The following C1orf105 variants were observed in gnomAD, a reference collection of about 807,000 sequenced individuals.
C1orf105 encodes the protein uncharacterized protein C1orf105.
A neutral mutation model predicts 20.8 loss-of-function variants in C1orf105; 17 were observed. The ratio of observed to expected loss-of-function variants is 0.82; its 90% CI spans 0.56 to 1.23. C1orf105 has a LOEUF of 1.23. C1orf105 is among the 50% of genes most tolerant of loss of function. C1orf105 has a pLI of 0.00. For synonymous variants in C1orf105, 72 were observed against 72.1 expected (o/e 1.00, Z 0.01); for missense variants, 219 against 213.5 (o/e 1.03, Z -0.16).
chr1:172,460,703 CAAAT>C (rs1649628517), intron 4 of C1orf105, among the ~76,000 whole-genome samples: 1 of 151,722 alleles, frequency 6.6e-6, no homozygotes, highest in Admixed American at 6.6e-5. Context: ...AAGGAGTCAA[CAAAT>C]AAATAAATAA....
At chr1:172,451,867 C>CTTTTTTTTTTTTTT (rs11462736) in intron 3 of C1orf105, among the ~76,000 whole-genome samples, 2 of 85,190 alleles carry the variant, frequency 2.3e-5, no homozygotes, top group East Asian at 3.8e-4. Context: ...TATATGGATT[C>CTTTTTTTTTTTTTT]TTTTTTTTTT....
At chr1:172,442,109 T>C in intron 1 of C1orf105, 3 of 1,614,146 alleles carry the variant, frequency 1.9e-6, no homozygotes, top group South Asian at 2.2e-5. Context: ...CTGGATACAA[T>C]GGCAGCATTG....
intron 2 of C1orf105, among the ~76,000 whole-genome samples, chr1:172,446,297 T>C (rs1218529793): frequency 6.6e-6 from 1 of 152,220 alleles, no homozygotes; most frequent in East Asian, 1.9e-4. Flanking sequence ...TTGTTAACAC[T>C]GCATGGATCA....
At chr1:172,424,716 A>T (rs187730978) in intron 1 of C1orf105, among the ~76,000 whole-genome samples, 1 of 152,204 alleles carries the variant, frequency 6.6e-6, no homozygotes, top group Non-Finnish European at 1.5e-5. Flanking sequence ...CTGAGGGTAC[A>T]TTCAGAAGGC....
At chr1:172,452,988 T>TGG (rs1648822813) in intron 3 of C1orf105, 1 of 1,548,840 alleles carries the variant, frequency 6.5e-7, no homozygotes, top group African/African-American at 1.4e-5. Flanking sequence ...ACCAAAGACC[T>TGG]GGGTTTCAGG....
chr1:172,444,070 G>A (rs1647681984), intron 1 of C1orf105: 1 of 998,692 alleles, frequency 1.0e-6, no homozygotes, highest in Admixed American at 6.1e-5. Flanking sequence ...CTGCGACTGT[G>A]GCCAAGCACT....
intron 3 of C1orf105, among the ~76,000 whole-genome samples, chr1:172,449,631 A>G (rs1648388900): frequency 6.6e-6 from 1 of 152,200 alleles, no homozygotes; most frequent in African/African-American, 2.4e-5. Context: ...GCTAATGCAC[A>G]CAGGGCCCAA....
In C1orf105 at chr1:172,430,818, T is replaced by C. The variant is rs1253471481; in HGVS notation, c.21+9912T>C. On this transcript the variant is annotated intron_variant, in intron 1 of 6. Transcript: ENST00000367727. ...AGTCTGTCAGTGCCATTGTTCCAAT[T>C]GCATGTGCTCACTTTGTGTTCCTGT... 3.9e-5 allele frequency among the ~76,000 whole-genome samples: 6 copies of C among 152,204 alleles called. No individual in the cohort carries two copies. In the East Asian group the frequency reaches 1.2e-3, roughly 29 times the overall value.
intron 1 of C1orf105, chr1:172,443,202 C>T (rs1488285116): frequency 1.2e-5 from 2 of 167,826 alleles, no homozygotes; most frequent in Non-Finnish European, 2.9e-5. Flanking sequence ...AGTCTTATCC[C>T]AAAGCCTGTG....
At chr1:172,423,722 G>C (rs2071649339) in intron 1 of C1orf105, among the ~76,000 whole-genome samples, 1 of 152,038 alleles carries the variant, frequency 6.6e-6, no homozygotes, top group Non-Finnish European at 1.5e-5. Context: ...AGATAACACA[G>C]AGAGGGAGAA....
At chr1:172,454,844 C>T (rs1307164779) in intron 3 of C1orf105, among the ~76,000 whole-genome samples, 1 of 152,146 alleles carries the variant, frequency 6.6e-6, no homozygotes, top group Non-Finnish European at 1.5e-5. Flanking sequence ...GATGTATAGG[C>T]TACTGGATGG....
intron 1 of C1orf105, chr1:172,444,013 T>G (rs899981486): frequency 3.0e-6 from 3 of 1,000,092 alleles, no homozygotes; most frequent in East Asian, 1.1e-4. Flanking sequence ...GTTGCGCAGC[T>G]GGGGGACGGC....
chr1:172,459,754 G>T (rs927409205), intron 4 of C1orf105, among the ~76,000 whole-genome samples: 1 of 152,110 alleles, frequency 6.6e-6, no homozygotes, highest in Non-Finnish European at 1.5e-5. Flanking sequence ...CTACAAGAAT[G>T]CACATAGCAG....
chr1:172,444,297 G>C (rs1255008763), intron 1 of C1orf105: 1 of 985,380 alleles, frequency 1.0e-6, no homozygotes, highest in Non-Finnish European at 1.2e-6. Flanking sequence ...TAAGGCAAGA[G>C]AGGACAAGGA....
intron 1 of C1orf105, among the ~76,000 whole-genome samples, chr1:172,435,679 C>G (rs1239577912): frequency 6.6e-6 from 1 of 152,142 alleles, no homozygotes; most frequent in East Asian, 1.9e-4. Context: ...CCTTTGAAAA[C>G]CAGCACAAGA....
rs1018538378 is a variant in C1orf105, at chr1:172,456,427, C to G, written c.211C>G (p.Gln71Glu). Reference protein sequence around the residue: ...PDVLSKARRNQCDSMLLRNQQ... With the variant: ...PDVLSKARRNECDSMLLRNQQ... ...TCTTTCCCCTCAGGCCAGGAGGAAC[C>G]AGTGTGACTCCATGCTGCTCAGAAA... The change falls in exon 4 of 7, where the codon CAG (glutamine) becomes GAG (glutamate). Residue 71 changes from glutamine to glutamate, a missense_variant. Coordinates refer to ENST00000367727, the MANE Select transcript of C1orf105 (RefSeq NM_139240.4). 6.2e-7 allele frequency: 1 copy of G among 1,613,092 alleles called. No individual in the cohort carries two copies. The highest frequency in any genetic ancestry group is 1.3e-5 in the African/African-American group (1 of 74,916).
chr1:172,462,772 G>T lies in C1orf105; in HGVS notation c.341+527G>T, dbSNP rs1649786658. Among the ~76,000 whole-genome samples the T allele has an allele frequency of 2.6e-5, 4 of 151,960 alleles. No homozygotes were observed. In the South Asian group the frequency reaches 8.3e-4, roughly 32 times the overall value. Reference sequence around the variant, plus strand: ...TTGTGTGTTTTGTTTTGTTTGGTTTGGTTTGGTTTTTTCTTTTTGAGATGG... The same window carrying T: ...TTGTGTGTTTTGTTTTGTTTGGTTTTGTTTGGTTTTTTCTTTTTGAGATGG... On this transcript the variant is annotated intron_variant, in intron 5 of 6. Coordinates refer to ENST00000367727, the MANE Select transcript of C1orf105 (RefSeq NM_139240.4).
intron 1 of C1orf105, chr1:172,441,767 C>G (rs776173782): frequency 6.3e-7 from 1 of 1,575,056 alleles, no homozygotes. Context: ...TTGATTTCAG[C>G]TTCATCCCAA....
At chr1:172,441,592 C>A (rs1337735407) in intron 1 of C1orf105, 8 of 752,148 alleles carry the variant, frequency 1.1e-5, no homozygotes, top group African/African-American at 1.8e-5. Context: ...GCCTTTGGTT[C>A]ATTTTTTTTG....
Sources: gnomAD v4.1 joint callset for allele counts (sites outside exome capture counted in the v4.1 genomes callset) on GRCh38, gnomAD v4.1.1 for gene constraint, MANE v1.5 for transcripts, NCBI Gene and HGNC (gene_info 2026-07-23, HGNC 2026-07-21) for gene names.